Variants in SNX2 observed in about 807,000 individuals in gnomAD.
The protein encoded by SNX2 is sorting nexin 2.
SNX2 carries 25 observed loss-of-function variants against 69.9 expected under a neutral mutation model. That is an observed-to-expected ratio of 0.36 (90% CI 0.26 to 0.50). The LOEUF is 0.50. Among genes scored for constraint, SNX2 ranks in the 20% least tolerant of loss-of-function variants. SNX2 has a pLI of 0.97. For missense variants in SNX2, 551 were observed against 613.3 expected (o/e 0.90, Z 1.07); for synonymous variants, 229 against 200.4 (o/e 1.14, Z -1.20).
chr5:122,823,860 G>A (rs1323732375), intron 11 of SNX2, among the ~76,000 whole-genome samples: 3 of 151,688 alleles, frequency 2.0e-5, no homozygotes, highest in East Asian at 1.9e-4. Flanking sequence ...TCCAACATGC[G>A]GCCGGGGACA....
chr5:122,802,099 A>G lies in SNX2; in HGVS notation c.476A>G (p.Tyr159Cys). Residue 159 changes from tyrosine (Y) to cysteine (C), a missense_variant, in exon 5 of 15, where the codon TAT (tyrosine) becomes TGT (cysteine). Transcript: ENST00000379516. Reference protein sequence around the residue: ...PEKVGDGMNAYMAYRVTTKTS... With the variant: ...PEKVGDGMNACMAYRVTTKTS... ...TTTGCAGGTGATGGCATGAATGCCTATATGGCATATAGAGTAACAACAAAG... is the reference window on the plus strand; with the variant it reads ...TTTGCAGGTGATGGCATGAATGCCTGTATGGCATATAGAGTAACAACAAAG... 7 of 1,613,822 alleles carry G rather than the reference A, an allele frequency of 4.3e-6. No individual in the cohort carries two copies. The highest frequency in any genetic ancestry group is 4.2e-6 in the Non-Finnish European group (5 of 1,179,772).
intron 2 of SNX2, 54 bp downstream of exon 2, chr5:122,795,437 T>A: frequency 1.6e-6 from 2 of 1,212,194 alleles, no homozygotes; most frequent in South Asian, 2.5e-5. Context: ...ATATTTTCTA[T>A]TAGATAGAAA....
intron 1 of SNX2, among the ~76,000 whole-genome samples, chr5:122,791,268 C>T (rs1412497033): frequency 6.6e-6 from 1 of 151,954 alleles, no homozygotes; most frequent in African/African-American, 2.4e-5. Flanking sequence ...GGATTACAGA[C>T]ATGCGCCACC....
rs1554063579 is a variant in SNX2, at chr5:122,811,850, T to TAAATAAATAAAA, written c.722+3496_722+3507dup. ...CTAAATAAATAAATAAATAAATAAA[T>TAAATAAATAAAA]AAATAAATAAAATGTAGTGTGTCAG... On this transcript the variant is annotated intron_variant, in intron 7 of 14. Coordinates refer to ENST00000379516, the MANE Select transcript of SNX2 (RefSeq NM_003100.4). 1.0e-3 allele frequency among the ~76,000 whole-genome samples: 155 copies of TAAATAAATAAAA among 151,014 alleles called. 1 individual carries two copies. Among genetic ancestry groups the TAAATAAATAAAA allele is most frequent in the South Asian group, 3.8e-3 (18 of 4,780 alleles).
chr5:122,775,921 C>T (rs1171978490), intron 1 of SNX2, among the ~76,000 whole-genome samples: 3 of 152,146 alleles, frequency 2.0e-5, no homozygotes, highest in Admixed American at 2.0e-4. Context: ...AGAAACAGAT[C>T]TCCACTCCTT....
At chr5:122,777,314 G>A (rs1001677967) in intron 1 of SNX2, among the ~76,000 whole-genome samples, 1 of 152,164 alleles carries the variant, frequency 6.6e-6, no homozygotes, top group African/African-American at 2.4e-5. Flanking sequence ...CTGTAGGACT[G>A]GGTAGAACCC....
chr5:122,779,093 AC>A (rs1752914477), intron 1 of SNX2, among the ~76,000 whole-genome samples: 1 of 152,152 alleles, frequency 6.6e-6, no homozygotes, highest in Non-Finnish European at 1.5e-5. Context: ...AGTAGATAGT[AC>A]GTTTTAAAAA....
chr5:122,795,288 C>G lies in SNX2; in HGVS notation c.131C>G (p.Pro44Arg), dbSNP rs772750620. The G allele has an allele frequency of 6.2e-7, 1 of 1,613,286 alleles. No homozygotes were observed. The highest frequency in any genetic ancestry group is 1.7e-5 in the Admixed American group (1 of 59,986). ...CAGTCAAGTCCATCATCTCCAGAAC[C>G]AGCTAGTCTTCCTGCAGAAGATATT... Reference protein sequence around the residue: ...TLESSPSSPEPASLPAEDISA... With the variant: ...TLESSPSSPERASLPAEDISA... The change falls in exon 2 of 15, where the codon CCA becomes CGA. Residue 44 changes from proline (P) to arginine (R), a missense_variant. Coordinates refer to ENST00000379516, the MANE Select transcript of SNX2 (RefSeq NM_003100.4).
chr5:122,795,245 A>G (rs1165599907), intron 1 of SNX2, 21 bp from the exon 2 acceptor site: 2 of 1,461,844 alleles, frequency 1.4e-6, no homozygotes, highest in East Asian at 2.3e-5. Flanking sequence ...TCCATTACCT[A>G]TTATTGTTCT....
At chr5:122,812,807 G>A (rs1753810493) in intron 7 of SNX2, among the ~76,000 whole-genome samples, 1 of 152,186 alleles carries the variant, frequency 6.6e-6, no homozygotes, top group East Asian at 1.9e-4. Context: ...GAATGAACAA[G>A]TGAATGTTAT....
Position 122,817,352 on chromosome 5 carries a change from G to T in SNX2, c.985G>T (p.Ala329Ser), listed in dbSNP as rs776897787. 5.6e-6 allele frequency: 9 copies of T among 1,613,706 alleles called. No homozygotes were observed. The East Asian group carries it at 1.8e-4, about 32-fold the overall frequency. The change falls in exon 10 of 15, where the codon GCC becomes TCC. Residue 329 changes from alanine (A) to serine (S), a missense_variant. By Grantham distance (99) the Ala-to-Ser change is moderately conservative. Coordinates refer to ENST00000379516, the MANE Select transcript of SNX2 (RefSeq NM_003100.4). The part of the protein sequence containing the change: ...QLRKLHVSVE[A>S]LVCHRKELSA... The stretch of plus-strand genomic sequence containing the variant: ...TAGGAAACTTCATGTCAGTGTTGAA[G>T]CCTTGGTCTGTCATAGAAAAGGTTT...
chr5:122,833,505 ATTCT>A lies in SNX2; in HGVS notation c.*3860_*3863del, dbSNP rs1754342059. ...ATATTGAAGTTATAAGATATTTTAC[ATTCT>A]TTTTTTGATATCTGATGTATATTTT... On this transcript the variant is annotated 3_prime_UTR_variant, in exon 15 of 15. Coordinates refer to ENST00000379516, the MANE Select transcript of SNX2 (RefSeq NM_003100.4). 2 of 152,302 alleles carry A rather than the reference ATTCT, an allele frequency of 1.3e-5. No homozygotes were observed. The highest frequency in any genetic ancestry group is 3.4e-3 in the Middle Eastern group (1 of 294). The allele number at this position is 152,302 out of a possible 1,614,324, so 9.4% of individuals were successfully genotyped here.
At chr5:122,805,379 C>A (rs1166829706) in intron 6 of SNX2, among the ~76,000 whole-genome samples, 2 of 151,840 alleles carry the variant, frequency 1.3e-5, no homozygotes, top group South Asian at 4.2e-4. Context: ...TCTCATCTGG[C>A]CTCCCAAAGT....
At chr5:122,808,941 A>G (rs978683504) in intron 7 of SNX2, among the ~76,000 whole-genome samples, 6 of 152,122 alleles carry the variant, frequency 3.9e-5, no homozygotes, top group African/African-American at 1.2e-4. Flanking sequence ...TTGTGTTTGT[A>G]TAATTGATTT....
Position 122,831,177 on chromosome 5 carries a change from A to G in SNX2, c.*1529A>G, listed in dbSNP as rs1229535263. Among the ~76,000 whole-genome samples the G allele has an allele frequency of 6.6e-6, 1 of 152,202 alleles. No homozygotes were observed. The highest frequency in any genetic ancestry group is 1.5e-5 in the Non-Finnish European group (1 of 68,042). ...AGTCATCTCTAGTGAGTCACTGGAT[A>G]CAATTTATATATCGAAGTATCCTTA... On this transcript the variant is annotated 3_prime_UTR_variant, in exon 15 of 15. Transcript: ENST00000379516.
At chr5:122,809,337 TAA>T (rs1432065239) in intron 7 of SNX2, among the ~76,000 whole-genome samples, 2 of 152,154 alleles carry the variant, frequency 1.3e-5, no homozygotes. Flanking sequence ...CAGCTATACT[TAA>T]AGACTAATAT....
At chr5:122,806,120 G>GTA (rs1491449932) in intron 6 of SNX2, among the ~76,000 whole-genome samples, 7 of 83,500 alleles carry the variant, frequency 8.4e-5, no homozygotes, top group South Asian at 7.0e-4. Flanking sequence ...GTGCGTGTGT[G>GTA]TATATATATA....
rs571624475 is a variant in SNX2, at chr5:122,805,419, T to A, written c.643+1806T>A. Among the ~76,000 whole-genome samples, 11 of 152,080 alleles carry A rather than the reference T, an allele frequency of 7.2e-5. No homozygotes were observed. The East Asian group carries it at 2.2e-3, about 30-fold the overall frequency. ...GGATTACAGACTGGAGCCACCATGC[T>A]CAGCCAAATTTTGCTGATTTTTAAA... On this transcript the variant is annotated intron_variant, in intron 6 of 14. Transcript: ENST00000379516.
chr5:122,827,583 A>G lies in SNX2; in HGVS notation c.1446A>G (p.Arg482=), dbSNP rs555331500. The change falls in exon 14 of 15, where the codon CGA becomes CGG. Residue 482 remains arginine, a synonymous_variant. Coordinates refer to ENST00000379516, the MANE Select transcript of SNX2 (RefSeq NM_003100.4). Reference sequence around the variant, plus strand: ...AAAATGTACTTCAACAGAAAGAACGAGTGAAGGATTTTAAAACCGTTATCA... The same window carrying G: ...AAAATGTACTTCAACAGAAAGAACGGGTGAAGGATTTTAAAACCGTTATCA... ...RKEVGRFEKE[R]VKDFKTVIIK... is the part of the protein sequence containing the mutation. 2 of 1,613,046 alleles carry G rather than the reference A, an allele frequency of 1.2e-6. No homozygotes were observed. The highest frequency in any genetic ancestry group is 4.5e-5 in the East Asian group (2 of 44,790).
Sources: allele counts gnomAD v4.1 joint callset (sites outside exome capture counted in the v4.1 genomes callset), GRCh38; gene constraint gnomAD v4.1.1; transcripts MANE v1.5; gene names NCBI Gene and HGNC (gene_info 2026-07-23, HGNC 2026-07-21).